Variants in CCDC171 observed in about 807,000 individuals in gnomAD.
CCDC171 encodes the protein coiled-coil domain-containing protein 171.
Under a neutral mutation model 168.2 loss-of-function variants are expected in CCDC171, and 177 were observed. The observed-to-expected ratio is 1.05, with a 90% confidence interval of 0.93 to 1.19. CCDC171 has a LOEUF of 1.19. CCDC171 is among the 50% of genes most tolerant of loss of function. The pLI, the probability that CCDC171 is intolerant of heterozygous loss-of-function variation, is 0.00. For synonymous variants in CCDC171, 687 were observed against 540.8 expected (o/e 1.27, Z -3.75); for missense variants, 1,991 against 1,539.0 (o/e 1.29, Z -4.91).
chr9:15,782,850 C>G (rs2057736541), intron 20 of CCDC171, among the ~76,000 whole-genome samples: 1 of 152,112 alleles, frequency 6.6e-6, no homozygotes, highest in Non-Finnish European at 1.5e-5. Context: ...GTTGAGTGTT[C>G]TGTATAATCC....
At chr9:16,077,264 G>C in the CCDC171 span, among the ~76,000 whole-genome samples, 1 of 152,276 alleles carries the variant, frequency 6.6e-6, no homozygotes, top group African/African-American at 2.4e-5. Flanking sequence ...CCTGTGGTTT[G>C]GACAGGTACA....
chr9:15,584,427 A>G (rs961293486), intron 4 of CCDC171, among the ~76,000 whole-genome samples: 35 of 152,194 alleles, frequency 2.3e-4, no homozygotes, highest in African/African-American at 8.2e-4. Context: ...GGAAAACCGT[A>G]TTTTTGTGTT....
chr9:15,628,087 C>G (rs570534708), intron 7 of CCDC171, among the ~76,000 whole-genome samples: 1 of 152,086 alleles, frequency 6.6e-6, no homozygotes, highest in South Asian at 2.1e-4. Context: ...TCTACAGCTC[C>G]CAGCGTGAGC....
intron 3 of CCDC171, among the ~76,000 whole-genome samples, chr9:15,995,418 C>G (rs978157254): frequency 1.3e-5 from 2 of 152,194 alleles, no homozygotes; most frequent in Non-Finnish European, 2.9e-5. Context: ...TAATAATGGA[C>G]TGGTGAGAAA....
At chr9:16,082,051 C>T in the CCDC171 span, among the ~76,000 whole-genome samples, 2 of 152,060 alleles carry the variant, frequency 1.3e-5, no homozygotes, top group Admixed American at 6.5e-5. Flanking sequence ...CCCTCAAAAA[C>T]CTGCTCTTGA....
chr9:15,802,074 G>C (rs968751658), intron 21 of CCDC171, among the ~76,000 whole-genome samples: 7 of 151,632 alleles, frequency 4.6e-5, no homozygotes, highest in Admixed American at 3.3e-4. Context: ...TTGGCCTGTA[G>C]TTTTCTTTTT....
At chr9:15,749,070 C>G (rs1376547427) in intron 18 of CCDC171, among the ~76,000 whole-genome samples, 2 of 151,676 alleles carry the variant, frequency 1.3e-5, no homozygotes, top group African/African-American at 2.4e-5. Context: ...TTCAGGAGAC[C>G]CATCTCACAC....
chr9:15,563,210 C>T (rs2039458725), intron 1 of CCDC171, among the ~76,000 whole-genome samples: 1 of 150,736 alleles, frequency 6.6e-6, no homozygotes, highest in South Asian at 2.1e-4. Flanking sequence ...GCAATCTTGG[C>T]TCACTGCAAC....
chr9:15,820,825 A>C lies in CCDC171; in HGVS notation c.3268-25877A>C, dbSNP rs1430045501. Reference sequence around the variant, plus strand: ...AATGGAAAAAGAGGGAATCCTCCCTAACTCATTTTATGAGGCCAGCATCAT... The same window carrying C: ...AATGGAAAAAGAGGGAATCCTCCCTCACTCATTTTATGAGGCCAGCATCAT... On this transcript the variant is annotated intron_variant, in intron 21 of 25. Transcript: ENST00000380701. 3.4e-5 allele frequency among the ~76,000 whole-genome samples: 4 copies of C among 117,056 alleles called. 1 individual carries two copies. Among genetic ancestry groups the C allele is most frequent in the African/African-American group, 1.3e-4 (4 of 31,178 alleles). The allele number at this position is 117,056 out of a possible 152,430, so 76.8% of individuals were successfully genotyped here. A position where few individuals can be genotyped will look rare whatever the true frequency, so the allele number is the denominator to read the frequency against.
At chr9:15,692,525 T>C (rs2133714546) in intron 10 of CCDC171, among the ~76,000 whole-genome samples, 1 of 151,758 alleles carries the variant, frequency 6.6e-6, no homozygotes, top group South Asian at 2.1e-4. Flanking sequence ...CAACCATCAT[T>C]ACTACTTTTT....
chr9:15,672,163 T>G lies in CCDC171; in HGVS notation c.1076+5840T>G, dbSNP rs182564941. On this transcript the variant is annotated intron_variant, in intron 9 of 25. Transcript: ENST00000380701. ...TAAATATCTTCTTTTGAGTAGTGTCTGTTCATATCCTTTGCCCACTTTTTG... is the reference window on the plus strand; with the variant it reads ...TAAATATCTTCTTTTGAGTAGTGTCGGTTCATATCCTTTGCCCACTTTTTG... 8.0e-4 allele frequency among the ~76,000 whole-genome samples: 122 copies of G among 152,372 alleles called. 1 individual carries two copies. The highest frequency in any genetic ancestry group is 3.7e-3 in the Admixed American group (57 of 15,306).
At chr9:15,813,624 A>ATG (rs35761563) in intron 21 of CCDC171, among the ~76,000 whole-genome samples, 1 of 148,974 alleles carries the variant, frequency 6.7e-6, no homozygotes, top group Non-Finnish European at 1.5e-5. Context: ...GTGTGTGTGT[A>ATG]TATATATATA....
chr9:15,595,811 G>C (rs2042304295), intron 6 of CCDC171, among the ~76,000 whole-genome samples: 1 of 152,102 alleles, frequency 6.6e-6, no homozygotes, highest in South Asian at 2.1e-4. Context: ...AGCACCTGTT[G>C]TTTCCTGACT....
intron 6 of CCDC171, among the ~76,000 whole-genome samples, chr9:15,610,088 A>T (rs1410480044): frequency 6.6e-6 from 1 of 151,826 alleles, no homozygotes; most frequent in Non-Finnish European, 1.5e-5. Flanking sequence ...TTGTTATTTG[A>T]TGATACCTTT....
intron 18 of CCDC171, among the ~76,000 whole-genome samples, chr9:15,752,254 A>G (rs2055801459): frequency 1.3e-5 from 2 of 152,198 alleles, no homozygotes; most frequent in Non-Finnish European, 2.9e-5. Flanking sequence ...TCAGGAAACA[A>G]CAGATGCTGG....
chr9:15,761,086 G>T (rs756077518), intron 18 of CCDC171, among the ~76,000 whole-genome samples: 8 of 152,130 alleles, frequency 5.3e-5, no homozygotes, highest in Non-Finnish European at 4.4e-5. Context: ...GTGCTGATTT[G>T]CTTTGAAATA....
intron 1 of CCDC171, among the ~76,000 whole-genome samples, chr9:16,054,374 G>GGAGT (rs1362484413): frequency 4.6e-5 from 7 of 152,212 alleles, no homozygotes; most frequent in African/African-American, 1.7e-4. Context: ...GCAGCTGCAT[G>GGAGT]GAGTAGTCAG....
rs150861934 is a variant in CCDC171, at chr9:15,909,494, A to G, written c.3601-10776A>G. Among the ~76,000 whole-genome samples, 13 of 152,214 alleles carry G rather than the reference A, an allele frequency of 8.5e-5. No homozygotes were observed. In the East Asian group the frequency reaches 2.5e-3, roughly 29 times the overall value. On this transcript the variant is annotated intron_variant, in intron 24 of 25. Transcript: ENST00000380701. ...GACATCCTGATATAGTCCTTCTTAC[A>G]CAACTTTTTACTGGAATGGAATGTC...
chr9:15,625,104 T>A (rs2044945059), intron 7 of CCDC171, among the ~76,000 whole-genome samples: 1 of 152,240 alleles, frequency 6.6e-6, no homozygotes, highest in East Asian at 1.9e-4. Context: ...GTTGGCTGCA[T>A]AAATGTCTTC....
Sources: allele counts gnomAD v4.1 joint callset (sites outside exome capture counted in the v4.1 genomes callset), GRCh38; gene constraint gnomAD v4.1.1; transcripts MANE v1.5; gene names NCBI Gene and HGNC (gene_info 2026-07-23, HGNC 2026-07-21).